Variants in GABRG2 observed in about 807,000 individuals in gnomAD.
GABRG2 encodes gamma-aminobutyric acid receptor subunit gamma-2.
GABRG2 carries 16 observed loss-of-function variants against 56.4 expected under a neutral mutation model. The observed-to-expected ratio is 0.28, with a 90% CI of 0.19 to 0.43. GABRG2 has a LOEUF of 0.43. Among genes scored for constraint, GABRG2 ranks in the 20% least tolerant of loss-of-function variants. The pLI is 1.00. For synonymous variants in GABRG2, 208 were observed against 205.5 expected (o/e 1.01, Z -0.10); for missense variants, 327 against 582.7 (o/e 0.56, Z 4.52).
At chr5:162,123,308 C>A (rs1307322508) in intron 6 of GABRG2, among the ~76,000 whole-genome samples, 2 of 151,524 alleles carry the variant, frequency 1.3e-5, no homozygotes, top group Non-Finnish European at 3.0e-5. Context: ...TGGAATTAGT[C>A]ATGGATAAGA....
At chr5:162,086,347 A>G (rs889411597) in intron 1 of GABRG2, among the ~76,000 whole-genome samples, 1 of 152,054 alleles carries the variant, frequency 6.6e-6, no homozygotes, top group African/African-American at 2.4e-5. Context: ...ACAAAGTTTT[A>G]GAAAACAACA....
In GABRG2 at chr5:162,149,322, C is replaced by T. The variant is rs771223451; in HGVS notation, c.1128+9C>T. 1.2e-5 allele frequency: 19 copies of T among 1,612,706 alleles called. No homozygotes were observed. The Admixed American group carries it at 2.5e-4, about 21-fold the overall frequency. On this transcript the variant is annotated intron_variant, in intron 8 of 9. Coordinates refer to ENST00000639213, the MANE Select transcript of GABRG2 (RefSeq NM_198904.4). Reference sequence around the variant, plus strand: ...AAAAGAAGAAAAACCCTGTATGTATCATTTTCCATTGGCACCATTGAAATT... The same window carrying T: ...AAAAGAAGAAAAACCCTGTATGTATTATTTTCCATTGGCACCATTGAAATT...
intron 6 of GABRG2, among the ~76,000 whole-genome samples, chr5:162,141,431 C>A (rs1284380949): frequency 6.6e-6 from 1 of 152,158 alleles, no homozygotes; most frequent in Non-Finnish European, 1.5e-5. Context: ...AATTCATTTG[C>A]ACGATTACTT....
rs770364855 is a variant in GABRG2 at position 162,097,780 on chromosome 5, A to C, written c.470A>C (p.Lys157Thr). 31 of 1,613,766 alleles carry C rather than the reference A, an allele frequency of 1.9e-5. No homozygotes were observed. The highest frequency in any genetic ancestry group is 2.6e-5 in the Non-Finnish European group (31 of 1,179,892). Reference sequence around the variant, plus strand: ...GACACTTTCTTCAGAAATTCCAAAAAAGCTGATGCACACTGGATCACCACC... The same window carrying C: ...GACACTTTCTTCAGAAATTCCAAAACAGCTGATGCACACTGGATCACCACC... ...IPDTFFRNSK[K>T]ADAHWITTPN... Residue 157 changes from lysine (K) to threonine (T), a missense_variant, in exon 4 of 10, where the codon AAA (lysine) becomes ACA (threonine). Around this residue, in one of 4 missense-constraint regions of GABRG2, gnomAD observed 104 missense variants for 209.3 expected, o/e 0.50. Transcript: ENST00000639213.
In GABRG2 at chr5:162,067,984, G is replaced by GAAAA; in HGVS notation, c.-7_-4dup. The stretch of plus-strand genomic sequence containing the variant: ...ACCAAGAGGCAAGAGGCGAGAGAAG[G>GAAAA]AAAAAAAAAAAAGCGATGAGTTCGC... On this transcript the variant is annotated 5_prime_UTR_variant, in exon 1 of 10. Transcript: ENST00000639213. The GAAAA allele has an allele frequency of 7.9e-7, 1 of 1,263,818 alleles. No homozygotes were observed. The allele number at this position is 1,263,818 out of a possible 1,614,324, so 78.3% of individuals were successfully genotyped here.
intron 6 of GABRG2, among the ~76,000 whole-genome samples, chr5:162,129,457 A>T (rs1232337821): frequency 6.6e-6 from 1 of 151,974 alleles, no homozygotes; most frequent in East Asian, 1.9e-4. Flanking sequence ...AGACCCTATG[A>T]GTTACGTGAA....
At chr5:162,105,432 C>CTTTTTT (rs533258756) in intron 6 of GABRG2, among the ~76,000 whole-genome samples, 1 of 104,112 alleles carries the variant, frequency 9.6e-6, no homozygotes, top group African/African-American at 3.6e-5. Flanking sequence ...GTAGAACAAT[C>CTTTTTT]TTTTTTTTTT....
At chr5:162,072,901 G>C (rs1216819564) in intron 1 of GABRG2, among the ~76,000 whole-genome samples, 1 of 151,776 alleles carries the variant, frequency 6.6e-6, no homozygotes, top group Non-Finnish European at 1.5e-5. Flanking sequence ...TTATATATGT[G>C]TATACATATG....
At chr5:162,115,050 A>C (rs575896424) in intron 6 of GABRG2, among the ~76,000 whole-genome samples, 1 of 152,318 alleles carries the variant, frequency 6.6e-6, no homozygotes, top group Admixed American at 6.5e-5. Flanking sequence ...CTGAAGATCT[A>C]CATAGTTAAT....
In GABRG2 at chr5:162,095,351, T is replaced by C. The variant is rs1425912682; in HGVS notation, c.260-144T>C. On this transcript the variant is annotated intron_variant, in intron 2 of 9. Transcript: ENST00000639213. ...TGAAAACAAAATAGTTATTCAAATG[T>C]GGTGAATTAGTAACTGGTACCAAAT... 6.1e-6 allele frequency: 4 copies of C among 655,810 alleles called. No individual in the cohort carries two copies. The African/African-American group carries it at 7.2e-5, about 12-fold the overall frequency. The allele number at this position is 655,810 out of a possible 1,614,324, so 40.6% of individuals were successfully genotyped here.
At chr5:162,127,418 T>C (rs1235558681) in intron 6 of GABRG2, among the ~76,000 whole-genome samples, 1 of 151,988 alleles carries the variant, frequency 6.6e-6, no homozygotes, top group Non-Finnish European at 1.5e-5. Flanking sequence ...CTCTAGTATA[T>C]GACTAAATCT....
chr5:162,087,949 T>C (rs570925876), intron 1 of GABRG2, among the ~76,000 whole-genome samples: 1 of 152,182 alleles, frequency 6.6e-6, no homozygotes, highest in African/African-American at 2.4e-5. Flanking sequence ...GGATGTGAGG[T>C]GAGAAAGTAA....
At chr5:162,135,833 A>G (rs62381863) in intron 6 of GABRG2, among the ~76,000 whole-genome samples, 4,707 of 152,262 alleles carry the variant, frequency 0.031, 90 homozygotes, top group Non-Finnish European at 0.046. Flanking sequence ...AAGAACCCCA[A>G]TCAGTGAAGA....
chr5:162,103,923 G>A lies in GABRG2; in HGVS notation c.666G>A (p.Trp222Ter), dbSNP rs1761617556. The A allele has an allele frequency of 6.2e-7, 1 of 1,613,880 alleles. No homozygotes were observed. The highest frequency in any genetic ancestry group is 1.7e-5 in the Admixed American group (1 of 59,998). Residue 222 changes from tryptophan (W) to a stop codon, truncating the protein, a stop_gained, in exon 6 of 10, where the codon TGG becomes TGA. Coordinates refer to ENST00000639213, the MANE Select transcript of GABRG2 (RefSeq NM_198904.4). LOFTEE classifies it high-confidence loss of function. ...CACGTGAAGAAATTGTTTATCAATG[G>A]AAGCGAAGTTCTGTTGAAGTGGGCG... The part of the protein sequence containing the change: ...GYPREEIVYQ[W>*]KRSSVEVGDT...
Position 162,153,499 on chromosome 5 carries a change from T to C in GABRG2, c.*131T>C. 1.8e-6 allele frequency: 2 copies of C among 1,104,114 alleles called. No homozygotes were observed. The highest frequency in any genetic ancestry group is 2.7e-6 in the Non-Finnish European group (2 of 730,234). 68.4% of individuals were successfully genotyped at this position (1,104,114 alleles called of 1,614,324 possible). A position where few individuals can be genotyped will look rare whatever the true frequency, so the allele number is the denominator to read the frequency against. On this transcript the variant is annotated 3_prime_UTR_variant, in exon 10 of 10. Transcript: ENST00000639213. ...AATCTGTTTCTATGTCCAAACCTGG[T>C]AAATTTTATAATGTCATATTGTTTG...
At chr5:162,146,256 C>G (rs1764940922) in intron 7 of GABRG2, among the ~76,000 whole-genome samples, 1 of 152,026 alleles carries the variant, frequency 6.6e-6, no homozygotes, top group Non-Finnish European at 1.5e-5. Context: ...TACTGTGGTT[C>G]AGAGCACAGC....
intron 6 of GABRG2, among the ~76,000 whole-genome samples, chr5:162,119,204 A>G (rs572266250): frequency 6.6e-6 from 1 of 152,240 alleles, no homozygotes; most frequent in African/African-American, 2.4e-5. Flanking sequence ...TCTTGTCTAT[A>G]TGTAGGGATG....
chr5:162,088,015 CCT>C (rs1760262431), intron 1 of GABRG2, among the ~76,000 whole-genome samples: 1 of 151,946 alleles, frequency 6.6e-6, no homozygotes, highest in Admixed American at 6.6e-5. Context: ...CTAATTCTAC[CCT>C]GTTTGCATGT....
chr5:162,084,959 A>G (rs2113225041), intron 1 of GABRG2, among the ~76,000 whole-genome samples: 1 of 151,802 alleles, frequency 6.6e-6, no homozygotes, highest in African/African-American at 2.4e-5. Context: ...CTACCATTTG[A>G]TAAAAAAAAA....
Sources: gnomAD v4.1 joint callset for allele counts (sites outside exome capture counted in the v4.1 genomes callset) on GRCh38, gnomAD v4.1.1 for gene constraint, gnomAD v4.1.1 regional missense constraint, MANE v1.5 for transcripts, NCBI Gene and HGNC (gene_info 2026-07-23, HGNC 2026-07-21) for gene names.